Variants in PELI2 observed in about 807,000 individuals in gnomAD.
PELI2 encodes the protein E3 ubiquitin-protein ligase pellino homolog 2.
PELI2 carries 23 observed loss-of-function variants against 42.3 expected under a neutral mutation model. That is an observed-to-expected ratio of 0.54 (90% CI 0.39 to 0.77). PELI2 has a LOEUF of 0.77. Among genes scored for constraint, PELI2 ranks in the 30% least tolerant of loss-of-function variants. PELI2 has a pLI of 0.00. For missense variants in PELI2, 463 were observed against 553.2 expected (o/e 0.84, Z 1.64); for synonymous variants, 245 against 212.2 (o/e 1.15, Z -1.34).
chr14:56,227,891 A>C (rs998870569), intron 2 of PELI2, among the ~76,000 whole-genome samples: 8 of 152,226 alleles, frequency 5.3e-5, no homozygotes, highest in Non-Finnish European at 1.2e-4. Flanking sequence ...TCCACCAGCA[A>C]ATCTGGACAG....
intron 3 of PELI2, among the ~76,000 whole-genome samples, chr14:56,281,975 A>G (rs1889495903): frequency 1.3e-5 from 2 of 152,180 alleles, no homozygotes; most frequent in Admixed American, 6.5e-5. Context: ...TGGGGTAGCA[A>G]TTTGAAAATA....
chr14:56,248,805 C>G (rs1053325602), intron 2 of PELI2, among the ~76,000 whole-genome samples: 2 of 151,482 alleles, frequency 1.3e-5, no homozygotes, highest in Non-Finnish European at 2.9e-5. Context: ...TGGGGCTTGG[C>G]TGTTGAAAAC....
chr14:56,166,989 C>T (rs778108090), intron 1 of PELI2, among the ~76,000 whole-genome samples: 4 of 152,090 alleles, frequency 2.6e-5, no homozygotes, highest in Non-Finnish European at 5.9e-5. Context: ...CAGCATTTCA[C>T]CATGTTAGCC....
chr14:56,147,099 A>G (rs1051797076), intron 1 of PELI2, among the ~76,000 whole-genome samples: 6 of 152,198 alleles, frequency 3.9e-5, no homozygotes, highest in Admixed American at 2.6e-4. Context: ...TAATGTTTTC[A>G]TTAGTCATCC....
chr14:56,239,851 C>T (rs1887914699), intron 2 of PELI2, among the ~76,000 whole-genome samples: 1 of 152,196 alleles, frequency 6.6e-6, no homozygotes, highest in Non-Finnish European at 1.5e-5. Flanking sequence ...TACATTTTTT[C>T]ATCCATAATC....
chr14:56,178,327 G>C lies in PELI2; in HGVS notation c.78-8G>C, dbSNP rs1885455798. 3.7e-6 allele frequency: 6 copies of C among 1,613,756 alleles called. No homozygotes were observed. The East Asian group carries it at 1.1e-4, about 30-fold the overall frequency. ...CAGATAGATGAACTCTTTCCTCTCTGTTTCTAGGTACAATGGTGCTTTACC... is the reference window on the plus strand; with the variant it reads ...CAGATAGATGAACTCTTTCCTCTCTCTTTCTAGGTACAATGGTGCTTTACC... On this transcript the variant is annotated splice_polypyrimidine_tract_variant and splice_region_variant and intron_variant, in intron 1 of 5. Transcript: ENST00000267460.
Position 56,143,788 on chromosome 14 carries a change from T to G in PELI2, c.77+25051T>G, listed in dbSNP as rs571127437. ...CTTTTGACATGCCCCATTGGGCACT[T>G]CCTTGATTTTTAGCAGCATATGATG... On this transcript the variant is annotated intron_variant, in intron 1 of 5. Transcript: ENST00000267460. Among the ~76,000 whole-genome samples the G allele has an allele frequency of 1.2e-4, 19 of 152,362 alleles. 1 individual carries two copies. The South Asian group carries it at 3.9e-3, about 32-fold the overall frequency.
At position 56,197,551 on chromosome 14, in the gene PELI2, C is replaced by G. The variant is rs1886171235; in HGVS notation, c.207+19087C>G. Among the ~76,000 whole-genome samples the G allele has an allele frequency of 6.6e-6, 1 of 152,074 alleles. No homozygotes were observed. The highest frequency in any genetic ancestry group is 2.1e-4 in the South Asian group (1 of 4,828). On this transcript the variant is annotated intron_variant, in intron 2 of 5. Coordinates refer to ENST00000267460, the MANE Select transcript of PELI2 (RefSeq NM_021255.3). The surrounding 1 kb of genome is among the most constrained non-coding windows in gnomAD (Gnocchi z 4.9). ...GAAGGAAAGGATGGAAGCACAGAGA[C>G]CAGTTAGAGCCTGTTGCATTGGCTT...
At chr14:56,151,188 G>C (rs1292725406) in intron 1 of PELI2, among the ~76,000 whole-genome samples, 1 of 152,226 alleles carries the variant, frequency 6.6e-6, no homozygotes, top group Non-Finnish European at 1.5e-5. Flanking sequence ...ACTTGGAGCA[G>C]TTGCAGGGGT....
chr14:56,217,033 G>A (rs1479747), intron 2 of PELI2, among the ~76,000 whole-genome samples: 60,889 of 152,072 alleles, frequency 0.4, 13,043 homozygotes, highest in South Asian at 0.53. Context: ...TGTGAGTGTA[G>A]TAGTGTGTTA....
rs75649419 is a variant in PELI2 at position 56,299,910 on chromosome 14, A to G, written c.*2744A>G. Reference sequence around the variant, plus strand: ...TTTATGTCGTTTACTACAAAAAAAAAGATTCAGAGTGGATGGAGTACAACT... The same window carrying G: ...TTTATGTCGTTTACTACAAAAAAAAGGATTCAGAGTGGATGGAGTACAACT... On this transcript the variant is annotated 3_prime_UTR_variant, in exon 6 of 6. Transcript: ENST00000267460. The G allele has an allele frequency of 4.6e-5, 7 of 152,612 alleles. No individual in the cohort carries two copies. Among genetic ancestry groups the G allele is most frequent in the African/African-American group, 1.7e-4 (7 of 41,454 alleles). The allele number at this position is 152,612 out of a possible 1,614,324, so 9.5% of individuals were successfully genotyped here.
chr14:56,137,595 C>T (rs1883731450), intron 1 of PELI2, among the ~76,000 whole-genome samples: 2 of 152,110 alleles, frequency 1.3e-5, no homozygotes, highest in Non-Finnish European at 2.9e-5. Context: ...GCGTCGTTTC[C>T]CCTTCTAGGG....
intron 2 of PELI2, among the ~76,000 whole-genome samples, chr14:56,218,855 G>GA (rs543536376): frequency 2.0e-5 from 3 of 152,212 alleles, no homozygotes; most frequent in Non-Finnish European, 4.4e-5. Context: ...AGTGCACTCT[G>GA]ATTCACAGAA....
At chr14:56,291,025 A>G (rs927665180) in intron 5 of PELI2, among the ~76,000 whole-genome samples, 3 of 152,198 alleles carry the variant, frequency 2.0e-5, no homozygotes, top group African/African-American at 4.8e-5. Context: ...AAATATCACC[A>G]CTTATCCCCA....
chr14:56,292,754 C>A (rs949570319), intron 5 of PELI2: 17 of 977,508 alleles, frequency 1.7e-5, no homozygotes, highest in Non-Finnish European at 2.1e-5. Flanking sequence ...TACTAATCAA[C>A]AAAATTAATT....
chr14:56,254,899 T>A (rs561232961), intron 2 of PELI2, among the ~76,000 whole-genome samples: 3 of 152,238 alleles, frequency 2.0e-5, no homozygotes, highest in Non-Finnish European at 4.4e-5. Context: ...CCATTATCAC[T>A]GGTCATCAGA....
intron 2 of PELI2, among the ~76,000 whole-genome samples, chr14:56,248,006 G>T (rs189020737): frequency 1.3e-5 from 2 of 152,206 alleles, no homozygotes; most frequent in South Asian, 2.1e-4. Context: ...AGAAGGAAAA[G>T]TGTCAGTGCT....
At chr14:56,159,474 G>A (rs938127764) in intron 1 of PELI2, among the ~76,000 whole-genome samples, 2 of 152,156 alleles carry the variant, frequency 1.3e-5, no homozygotes, top group African/African-American at 4.8e-5. Context: ...GTATAAAAAT[G>A]GCTCTCATTC....
chr14:56,286,042 TG>T (rs1889634569), intron 3 of PELI2, among the ~76,000 whole-genome samples: 1 of 152,218 alleles, frequency 6.6e-6, no homozygotes, highest in African/African-American at 2.4e-5. Context: ...TCATTTTTAT[TG>T]TATGTTTAAA....
Sources: allele counts gnomAD v4.1 joint callset (sites outside exome capture counted in the v4.1 genomes callset), GRCh38; gene constraint gnomAD v4.1.1; non-coding constraint Gnocchi (gnomAD v3.1); transcripts MANE v1.5; gene names NCBI Gene and HGNC (gene_info 2026-07-23, HGNC 2026-07-21).